The following FAF1 variants were observed in gnomAD, a reference collection of about 807,000 sequenced individuals.
FAF1 encodes the protein FAS-associated factor 1.
In FAF1, 25 loss-of-function variants were observed where a neutral mutation model predicts 92.5. The observed-to-expected ratio is 0.27, with a 90% confidence interval of 0.20 to 0.38. The LOEUF is 0.38. FAF1 is among the 10% of genes least tolerant of loss of function. The pLI is 1.00. For missense variants in FAF1, 636 were observed against 793.3 expected, an observed-to-expected ratio of 0.80 and a Z score of 2.38; for synonymous variants, 234 against 273.2, an observed-to-expected ratio of 0.86 and a Z score of 1.42.
At position 50,936,216 on chromosome 1, in the gene FAF1, G is replaced by T. The variant is rs183320188; in HGVS notation, c.45+23551C>A. On this transcript the variant is annotated intron_variant, in intron 1 of 18. Coordinates refer to ENST00000396153, the MANE Select transcript of FAF1 (RefSeq NM_007051.3). ...CAAAACAAGTAACATATACTTCCTG[G>T]CTGTAAAGAACTCACAAATTAGTAA... 2.5e-3 allele frequency among the ~76,000 whole-genome samples: 382 copies of T among 152,266 alleles called. 2 individuals are homozygous for T. The highest frequency in any genetic ancestry group is 0.024 in the Middle Eastern group (7 of 292).
At position 50,695,947 on chromosome 1, in the gene FAF1, C is replaced by T. The variant is rs931208744; in HGVS notation, c.657+9839G>A. Among the ~76,000 whole-genome samples the T allele has an allele frequency of 2.6e-3, 375 of 142,724 alleles. 4 individuals carry two copies. Among genetic ancestry groups the T allele is most frequent in the Non-Finnish European group, 1.0e-3 (67 of 66,476 alleles). The allele number at this position is 142,724 out of a possible 152,430, so 93.6% of individuals were successfully genotyped here. ...TACAGGCGTGAGTCACCGTGCTTGG[C>T]CTTTTTTTTTTTTTTTTTTTTTAAC... On this transcript the variant is annotated intron_variant, in intron 7 of 18. Coordinates refer to ENST00000396153, the MANE Select transcript of FAF1 (RefSeq NM_007051.3).
intron 8 of FAF1, chr1:50,612,520 C>A (rs550100299): frequency 4.1e-6 from 4 of 982,374 alleles, no homozygotes; most frequent in Admixed American, 6.1e-5. Flanking sequence ...ACCAACGAGC[C>A]ACTTGGCTCA....
At chr1:50,748,218 A>G (rs1388133047) in intron 4 of FAF1, among the ~76,000 whole-genome samples, 1 of 152,168 alleles carries the variant, frequency 6.6e-6, no homozygotes, top group Admixed American at 6.6e-5. Context: ...GAAAAATGCC[A>G]GGCGTGGTGG....
At position 50,583,565 on chromosome 1, in the gene FAF1, T is replaced by A; in HGVS notation, c.1031+87A>T. On this transcript the variant is annotated intron_variant, in intron 11 of 18. Transcript: ENST00000396153. This position sits in a 1 kb window ranked among gnomAD's most constrained non-coding sequence, Gnocchi z 4.2. ...CTTTGAATACTTTAAGGAGAAACTT[T>A]AAACAATCTATAATTAAAATTGCCC... The A allele has an allele frequency of 1.3e-6, 1 of 796,300 alleles. No individual in the cohort carries two copies. The highest frequency in any genetic ancestry group is 2.0e-6 in the Non-Finnish European group (1 of 506,772). The allele number at this position is 796,300 out of a possible 1,614,324, so 49.3% of individuals were successfully genotyped here. A position where few individuals can be genotyped will look rare whatever the true frequency, so the allele number is the denominator to read the frequency against.
In FAF1 at chr1:50,954,786, G is replaced by A. The variant is rs190385710; in HGVS notation, c.45+4981C>T. Among the ~76,000 whole-genome samples the A allele has an allele frequency of 5.0e-4, 76 of 152,018 alleles. No homozygotes were observed. In the East Asian group the frequency reaches 9.3e-3, roughly 19 times the overall value. Reference sequence around the variant, plus strand: ...TTGAACTCCTGACCTCAAGTGATCCGCCTGCCTCGGCCTCCCAAGGTGCTG... The same window carrying A: ...TTGAACTCCTGACCTCAAGTGATCCACCTGCCTCGGCCTCCCAAGGTGCTG... On this transcript the variant is annotated intron_variant, in intron 1 of 18. Transcript: ENST00000396153.
chr1:50,459,896 T>A (rs1224034843), intron 18 of FAF1, among the ~76,000 whole-genome samples: 2 of 152,226 alleles, frequency 1.3e-5, no homozygotes, highest in African/African-American at 4.8e-5. Context: ...CTTTCATTTT[T>A]AACATAGGGC....
chr1:50,731,481 T>A (rs757261688), intron 6 of FAF1, among the ~76,000 whole-genome samples: 25 of 151,338 alleles, frequency 1.7e-4, no homozygotes, highest in Non-Finnish European at 3.5e-4. Context: ...GCCATTCTCC[T>A]GCCTCAGCCT....
intron 17 of FAF1, among the ~76,000 whole-genome samples, chr1:50,490,257 G>A (rs1216892683): frequency 6.6e-6 from 1 of 152,076 alleles, no homozygotes; most frequent in Non-Finnish European, 1.5e-5. Flanking sequence ...CTACTTGGGA[G>A]GCTGAGGCAG....
At chr1:50,503,396 T>C (rs974399426) in intron 15 of FAF1, among the ~76,000 whole-genome samples, 10 of 152,038 alleles carry the variant, frequency 6.6e-5, no homozygotes, top group Admixed American at 1.3e-4. Context: ...AAAGGTAGAA[T>C]TGCTTGAGGC....
intron 6 of FAF1, among the ~76,000 whole-genome samples, chr1:50,707,202 CAAA>C (rs397862445): frequency 1.4e-4 from 15 of 106,822 alleles, no homozygotes; most frequent in Admixed American, 2.1e-4. Context: ...GACTCTGTGT[CAAA>C]AAAAAAAAAA....
chr1:50,856,848 C>T (rs192689337), intron 2 of FAF1, among the ~76,000 whole-genome samples: 1 of 151,796 alleles, frequency 6.6e-6, no homozygotes, highest in Non-Finnish European at 1.5e-5. Context: ...GTTACAGTGA[C>T]ACTATGAAAT....
chr1:50,891,204 G>T (rs1046890070), intron 1 of FAF1, among the ~76,000 whole-genome samples: 1 of 152,116 alleles, frequency 6.6e-6, no homozygotes, highest in Non-Finnish European at 1.5e-5. Flanking sequence ...ACGGTTTTCA[G>T]TTCCATCATG....
chr1:50,591,674 G>GAAAAA (rs35426054), intron 9 of FAF1, among the ~76,000 whole-genome samples: 1 of 93,672 alleles, frequency 1.1e-5, no homozygotes, highest in Non-Finnish European at 2.2e-5. Flanking sequence ...CTCCATCTCA[G>GAAAAA]AAAAAAAAAA....
At chr1:50,794,916 C>T (rs1022671930) in intron 3 of FAF1, among the ~76,000 whole-genome samples, 7 of 151,820 alleles carry the variant, frequency 4.6e-5, no homozygotes, top group South Asian at 2.1e-4. Context: ...GGATTACAGG[C>T]GTGAGCCACC....
chr1:50,656,366 A>G (rs2124297743), intron 7 of FAF1, among the ~76,000 whole-genome samples: 2 of 151,752 alleles, frequency 1.3e-5, no homozygotes, highest in South Asian at 4.2e-4. Context: ...AAAAAGTAGC[A>G]CACGTTATTT....
At chr1:50,935,975 TCAGA>T (rs1645082281) in intron 1 of FAF1, among the ~76,000 whole-genome samples, 1 of 152,192 alleles carries the variant, frequency 6.6e-6, no homozygotes, top group African/African-American at 2.4e-5. Context: ...CTCAGGGCAC[TCAGA>T]CAGTGTTAAC....
At chr1:50,608,248 T>C (rs546613600) in intron 8 of FAF1, among the ~76,000 whole-genome samples, 1 of 152,344 alleles carries the variant, frequency 6.6e-6, no homozygotes, top group South Asian at 2.1e-4. Flanking sequence ...TAAACAGACA[T>C]GGCACAATGG....
chr1:50,619,499 G>C (rs1409106673), intron 8 of FAF1, among the ~76,000 whole-genome samples: 1 of 152,192 alleles, frequency 6.6e-6, no homozygotes. Flanking sequence ...ATAAAGCTTA[G>C]TTTGCTGGGA....
chr1:50,775,490 G>A (rs1031558516), intron 4 of FAF1, among the ~76,000 whole-genome samples: 2 of 152,126 alleles, frequency 1.3e-5, no homozygotes, highest in Admixed American at 6.5e-5. Flanking sequence ...GTTAGGAAAG[G>A]CTTCATAGAA....
Sources: gnomAD v4.1 joint callset for allele counts (sites outside exome capture counted in the v4.1 genomes callset) on GRCh38, gnomAD v4.1.1 for gene constraint, Gnocchi (gnomAD v3.1) non-coding constraint, MANE v1.5 for transcripts, NCBI Gene and HGNC (gene_info 2026-07-23, HGNC 2026-07-21) for gene names.